Variants in BMS1 observed in about 807,000 individuals in gnomAD.
The protein encoded by BMS1 is BMS1 ribosome biogenesis factor, also known as ribosome biogenesis protein BMS1 homolog.
A neutral mutation model predicts 138.7 loss-of-function variants in BMS1; 53 were observed. That is an observed-to-expected ratio of 0.38 (90% CI 0.31 to 0.48). BMS1 has a LOEUF of 0.48. BMS1 is among the 20% of genes least tolerant of loss of function. The pLI, the probability that BMS1 is intolerant of heterozygous loss-of-function variation, is 0.97. For synonymous variants in BMS1, 504 were observed against 539.9 expected (o/e 0.93, Z 0.92); for missense variants, 1,360 against 1,565.5 (o/e 0.87, Z 2.22).
At chr10:42,827,334 T>A (rs1158250571) in intron 21 of BMS1, among the ~76,000 whole-genome samples, 1 of 152,168 alleles carries the variant, frequency 6.6e-6, no homozygotes, top group East Asian at 1.9e-4. Flanking sequence ...TCTCAGGTAT[T>A]CTGTTACAGC....
intron 15 of BMS1, among the ~76,000 whole-genome samples, chr10:42,817,969 A>G (rs1329483779): frequency 6.6e-6 from 1 of 152,178 alleles, no homozygotes. Flanking sequence ...TGTGGAGTAT[A>G]AGGTCAGATG....
intron 1 of BMS1, among the ~76,000 whole-genome samples, chr10:42,783,736 C>T (rs1841236259): frequency 6.6e-6 from 1 of 152,178 alleles, no homozygotes; most frequent in Admixed American, 6.5e-5. Flanking sequence ...AGTCCTATCT[C>T]ACACGTACAG....
At chr10:42,822,866 ATCT>A (rs1842540471) in intron 19 of BMS1, among the ~76,000 whole-genome samples, 2 of 152,216 alleles carry the variant, frequency 1.3e-5, no homozygotes, top group African/African-American at 4.8e-5. Flanking sequence ...TCCCTCTTCG[ATCT>A]TCTCTTCCAC....
chr10:42,828,529 A>AAG (rs1379955430), intron 21 of BMS1, among the ~76,000 whole-genome samples: 107 of 150,436 alleles, frequency 7.1e-4, no homozygotes, highest in Middle Eastern at 3.5e-3. Context: ...GTGTTCTGGG[A>AAG]GCACAGCGGC....
chr10:42,824,167 TAAC>T (rs1182639417), intron 21 of BMS1, among the ~76,000 whole-genome samples: 2 of 152,190 alleles, frequency 1.3e-5, no homozygotes, highest in African/African-American at 4.8e-5. Flanking sequence ...TCTACTTACT[TAAC>T]AAAAATCCCA....
chr10:42,793,937 T>A lies in BMS1; in HGVS notation c.1175T>A (p.Val392Glu). ...TIDAKMASSR[V>E]TLFSDSKPLG... ...GATGCCAAGATGGCTTCAAGTCGAGTGACGCTGTTTTCTGATTCCAAGCCA... is the reference window on the plus strand; with the variant it reads ...GATGCCAAGATGGCTTCAAGTCGAGAGACGCTGTTTTCTGATTCCAAGCCA... The change falls in exon 9 of 23, where the codon GTG (valine) becomes GAG (glutamate). Residue 392 changes from valine to glutamate, a missense_variant. By Grantham distance (121) the Val-to-Glu change is moderately radical. This residue lies in a region of BMS1 where 697 missense variants were observed against 686.2 expected (regional missense o/e 1.02). Coordinates refer to ENST00000374518, the MANE Select transcript of BMS1 (RefSeq NM_014753.4). 6.2e-7 allele frequency: 1 copy of A among 1,611,924 alleles called. No homozygotes were observed. The highest frequency in any genetic ancestry group is 8.5e-7 in the Non-Finnish European group (1 of 1,179,818).
chr10:42,785,616 G>T lies in BMS1; in HGVS notation c.311G>T (p.Arg104Leu). 6.2e-7 allele frequency: 1 copy of T among 1,613,900 alleles called. No homozygotes were observed. Among genetic ancestry groups the T allele is most frequent in the Non-Finnish European group, 8.5e-7 (1 of 1,179,842 alleles). Residue 104 changes from arginine (R) to leucine (L), a missense_variant, in exon 3 of 23, where the codon CGG becomes CTG. Coordinates refer to ENST00000374518, the MANE Select transcript of BMS1 (RefSeq NM_014753.4). ...AGCACTTTGATACAATGCCTCATTC[G>T]GAACTTTACCCGGCAGAAGTTGACT... ...GKSTLIQCLI[R>L]NFTRQKLTEI...
chr10:42,819,878 G>A (rs1474736293), intron 15 of BMS1, among the ~76,000 whole-genome samples: 3 of 152,044 alleles, frequency 2.0e-5, no homozygotes, highest in African/African-American at 7.2e-5. Flanking sequence ...TGCAACCTCC[G>A]TCTCCCGGGT....
In BMS1 at chr10:42,831,007, C is replaced by A. The variant is rs1842787538; in HGVS notation, c.3760C>A (p.Leu1254Ile). 6.2e-7 allele frequency: 1 copy of A among 1,601,418 alleles called. No individual in the cohort carries two copies. Residue 1254 changes from leucine (L) to isoleucine (I), a missense_variant, in exon 23 of 23, where the codon CTC (leucine) becomes ATC (isoleucine). Physicochemically the swap from Leu to Ile is conservative, Grantham distance 5. Around this residue, in one of 3 missense-constraint regions of BMS1, gnomAD observed 425 missense variants for 568.3 expected, o/e 0.75. Transcript: ENST00000374518. ...GGAGAAGCTGAAGCGGCAGAAGGAC[C>A]TCAGGAAGAAGCTCTTCAGAATTCA... ...EEEKLKRQKD[L>I]RKKLFRIQGQ... is the part of the protein sequence containing the mutation.
At chr10:42,792,004 G>T (rs1333021185) in intron 6 of BMS1, among the ~76,000 whole-genome samples, 9 of 152,164 alleles carry the variant, frequency 5.9e-5, no homozygotes, top group African/African-American at 2.2e-4. Context: ...AAGGCTACAG[G>T]ATGTGGCCCC....
chr10:42,784,793 A>C (rs1390349520), intron 2 of BMS1, among the ~76,000 whole-genome samples: 1 of 152,252 alleles, frequency 6.6e-6, no homozygotes, highest in East Asian at 1.9e-4. Flanking sequence ...GGATACAAGA[A>C]TTTATAGACT....
chr10:42,796,594 G>A lies in BMS1; in HGVS notation c.1350G>A (p.Met450Ile), dbSNP rs1841690714. ...GTGATGATGAAGAAGATGATGAAAT[G>A]TCTGAAGATGACGGGTTGGAAAACG... ...GDSDDEEDDE[M>I]SEDDGLENGS... is the part of the protein sequence containing the mutation. Residue 450 changes from methionine to isoleucine, a missense_variant, in exon 10 of 23, where the codon ATG (methionine) becomes ATA (isoleucine). Met to Ile is a conservative substitution (Grantham distance 10, BLOSUM62 1). Around this residue, in one of 3 missense-constraint regions of BMS1, gnomAD observed 697 missense variants for 686.2 expected, o/e 1.02. Transcript: ENST00000374518. The A allele has an allele frequency of 3.1e-6, 5 of 1,614,200 alleles. No homozygotes were observed. The highest frequency in any genetic ancestry group is 3.4e-6 in the Non-Finnish European group (4 of 1,180,026).
chr10:42,802,571 A>T (rs112636306), intron 13 of BMS1, among the ~76,000 whole-genome samples: 3 of 152,202 alleles, frequency 2.0e-5, no homozygotes, highest in African/African-American at 7.2e-5. Context: ...AATGAAAAGT[A>T]CATAACATAC....
rs1842838380 is a variant in BMS1 at position 42,833,937 on chromosome 10, T to G, written c.*2841T>G. The G allele has an allele frequency of 3.9e-5, 6 of 152,226 alleles. No individual in the cohort carries two copies. Among genetic ancestry groups the G allele is most frequent in the Non-Finnish European group, 1.5e-5 (1 of 68,040 alleles). The allele number at this position is 152,226 out of a possible 1,614,324, so 9.4% of individuals were successfully genotyped here. ...GAGCTTCGTGCTGCATAAAATTGCT[T>G]GGAAGAAAGAAGGGAGGGCATTCCA... On this transcript the variant is annotated 3_prime_UTR_variant, in exon 23 of 23. Coordinates refer to ENST00000374518, the MANE Select transcript of BMS1 (RefSeq NM_014753.4).
chr10:42,822,736 C>T (rs1219480681), intron 19 of BMS1, among the ~76,000 whole-genome samples: 1 of 152,140 alleles, frequency 6.6e-6, no homozygotes, highest in Non-Finnish European at 1.5e-5. Flanking sequence ...AATAATACCA[C>T]CAGCGTTTAT....
chr10:42,823,851 C>A, intron 21 of BMS1, 67 bp downstream of exon 21: 1 of 1,275,800 alleles, frequency 7.8e-7, no homozygotes. Flanking sequence ...CACACAGACA[C>A]TTTTCTATAA....
Position 42,793,086 on chromosome 10 carries a change from G to T in BMS1, c.1031G>T (p.Gly344Val), listed in dbSNP as rs369748237. The change falls in exon 8 of 23, where the codon GGT becomes GTT. Residue 344 changes from glycine to valine, a missense_variant. By Grantham distance (109) the Gly-to-Val change is moderately radical (BLOSUM62 -3). Around this residue, in one of 3 missense-constraint regions of BMS1, gnomAD observed 697 missense variants for 686.2 expected, o/e 1.02. Transcript: ENST00000374518. ...TATGCGCCTCTTTCTGGAGTTGGGG[G>T]TGTGCTGTATGACAAAGACGCTGTC... ...LVYAPLSGVGGVLYDKDAVYV... is the reference protein window; with the variant it reads ...LVYAPLSGVGVVLYDKDAVYV... 8 of 1,614,000 alleles carry T rather than the reference G, an allele frequency of 5.0e-6. No homozygotes were observed. The highest frequency in any genetic ancestry group is 6.8e-6 in the Non-Finnish European group (8 of 1,179,960).
rs186470078 is a variant in BMS1, at chr10:42,813,539, G to C, written c.2330-3060G>C. Among the ~76,000 whole-genome samples the C allele has an allele frequency of 1.6e-3, 241 of 152,210 alleles. 1 individual carries two copies. The highest frequency in any genetic ancestry group is 5.7e-3 in the African/African-American group (235 of 41,544). ...TTATGTCTCTTTACCTTTTCCGCTT[G>C]TATGAATCACTGGCTTGAGTATTAG... On this transcript the variant is annotated intron_variant, in intron 13 of 22. Coordinates refer to ENST00000374518, the MANE Select transcript of BMS1 (RefSeq NM_014753.4).
At chr10:42,811,670 G>A (rs926836261) in intron 13 of BMS1, among the ~76,000 whole-genome samples, 1 of 148,112 alleles carries the variant, frequency 6.8e-6, no homozygotes, top group Non-Finnish European at 1.5e-5. Context: ...GACTACAGGC[G>A]CCCGCCACTA....
Sources: gnomAD v4.1 joint callset for allele counts (sites outside exome capture counted in the v4.1 genomes callset) on GRCh38, gnomAD v4.1.1 for gene constraint, gnomAD v4.1.1 regional missense constraint, MANE v1.5 for transcripts, NCBI Gene and HGNC (gene_info 2026-07-23, HGNC 2026-07-21) for gene names.